FRMD3: variants seen among roughly 807,000 people sequenced by gnomAD.
The protein encoded by FRMD3 is FERM domain-containing protein 3.
Under a neutral mutation model 70.2 loss-of-function variants are expected in FRMD3, and 33 were observed. That is an observed-to-expected ratio of 0.47 (90% CI 0.36 to 0.63). FRMD3 has a LOEUF of 0.63. Among genes scored for constraint, FRMD3 ranks in the 20% least tolerant of loss-of-function variants. FRMD3 has a pLI of 0.00. For missense variants in FRMD3, 632 were observed against 711.4 expected (o/e 0.89, Z 1.27); for synonymous variants, 279 against 255.9 (o/e 1.09, Z -0.86).
chr9:83,427,370 C>T (rs1826841351), intron 1 of FRMD3, among the ~76,000 whole-genome samples: 1 of 152,194 alleles, frequency 6.6e-6, no homozygotes, highest in Non-Finnish European at 1.5e-5. Context: ...ACTCCATGTG[C>T]TCTTTATAGA....
At chr9:83,357,282 TATA>T (rs1824426788) in intron 3 of FRMD3, among the ~76,000 whole-genome samples, 3 of 79,838 alleles carry the variant, frequency 3.8e-5, no homozygotes, top group Non-Finnish European at 7.1e-5. Context: ...TATATATATA[TATA>T]TATATATATA....
At position 83,538,055 on chromosome 9, in the gene FRMD3, C is replaced by A. The variant is rs751798506; in HGVS notation, c.147+30G>T. On this transcript the variant is annotated intron_variant, in intron 1 of 13. Coordinates refer to ENST00000304195, the MANE Select transcript of FRMD3 (RefSeq NM_174938.6). This position sits in a 1 kb window ranked among gnomAD's most constrained non-coding sequence, Gnocchi z 4.7. ...CCCCCCGCCCTGCTCCCGGCGTGTG[C>A]CCCGCGCCCTCGCCCGGTTCCACGC... The A allele has an allele frequency of 1.2e-6, 2 of 1,607,210 alleles. No individual in the cohort carries two copies. The highest frequency in any genetic ancestry group is 2.7e-5 in the African/African-American group (2 of 74,848).
chr9:83,462,811 A>T (rs1828013010), intron 1 of FRMD3, among the ~76,000 whole-genome samples: 1 of 152,162 alleles, frequency 6.6e-6, no homozygotes, highest in Non-Finnish European at 1.5e-5. Context: ...TTAATATCTC[A>T]ATGAACTGTC....
chr9:83,362,577 A>G (rs1228552518), intron 3 of FRMD3, among the ~76,000 whole-genome samples: 1 of 152,230 alleles, frequency 6.6e-6, no homozygotes, highest in African/African-American at 2.4e-5. Context: ...TCTGGTAAAT[A>G]GGGCAAGAAT....
At chr9:83,375,381 C>A (rs1365193438) in intron 2 of FRMD3, among the ~76,000 whole-genome samples, 1 of 152,216 alleles carries the variant, frequency 6.6e-6, no homozygotes, top group African/African-American at 2.4e-5. Flanking sequence ...CTTAGCCTAA[C>A]CACACCCTAC....
chr9:83,468,085 T>C (rs934627204), intron 1 of FRMD3, among the ~76,000 whole-genome samples: 2 of 152,156 alleles, frequency 1.3e-5, no homozygotes, highest in African/African-American at 4.8e-5. Context: ...GACAACAGGC[T>C]ACAGTGGCAC....
intron 3 of FRMD3, among the ~76,000 whole-genome samples, chr9:83,368,474 G>A (rs1490682493): frequency 6.6e-6 from 1 of 151,944 alleles, no homozygotes; most frequent in African/African-American, 2.4e-5. Flanking sequence ...TGGGACTACA[G>A]GCTATGTTAA....
At chr9:83,424,665 T>C (rs867396145) in intron 1 of FRMD3, among the ~76,000 whole-genome samples, 14 of 152,200 alleles carry the variant, frequency 9.2e-5, no homozygotes, top group Admixed American at 4.6e-4. Flanking sequence ...CAGATAAATA[T>C]ACCAAATAAT....
chr9:83,288,910 G>A (rs1046130442), intron 13 of FRMD3, among the ~76,000 whole-genome samples: 1 of 152,106 alleles, frequency 6.6e-6, no homozygotes, highest in Admixed American at 6.5e-5. Flanking sequence ...GCAGGCCTAG[G>A]GTTCCGTATT....
chr9:83,353,794 G>A (rs1173509439), intron 3 of FRMD3, among the ~76,000 whole-genome samples: 2 of 152,166 alleles, frequency 1.3e-5, no homozygotes, highest in East Asian at 1.9e-4. Context: ...AGTTGGTTAC[G>A]ATAGCTACTT....
intron 1 of FRMD3, among the ~76,000 whole-genome samples, chr9:83,496,120 C>T (rs1828936768): frequency 6.6e-6 from 1 of 152,072 alleles, no homozygotes. Context: ...GCCTGCTCCA[C>T]AAGAAGTATC....
chr9:83,438,680 G>T (rs910785387), intron 1 of FRMD3, among the ~76,000 whole-genome samples: 3 of 152,226 alleles, frequency 2.0e-5, no homozygotes, highest in Non-Finnish European at 4.4e-5. Flanking sequence ...GATTACAGGC[G>T]TGAGCCACCG....
intron 3 of FRMD3, among the ~76,000 whole-genome samples, chr9:83,363,237 C>T (rs375804948): frequency 6.6e-5 from 10 of 152,236 alleles, no homozygotes; most frequent in East Asian, 1.9e-4. Flanking sequence ...TTCTTCTACA[C>T]GCTATATAGT....
intron 1 of FRMD3, among the ~76,000 whole-genome samples, chr9:83,449,367 T>C (rs776617398): frequency 2.8e-4 from 43 of 152,344 alleles, no homozygotes; most frequent in Admixed American, 1.5e-3. Flanking sequence ...TGAACAGCTG[T>C]AAAATATCTT....
intron 6 of FRMD3, among the ~76,000 whole-genome samples, chr9:83,334,516 A>T (rs1284725271): frequency 6.6e-6 from 1 of 152,200 alleles, no homozygotes; most frequent in African/African-American, 2.4e-5. Context: ...CCAATGATGC[A>T]ATTTTCTTTA....
chr9:83,378,662 T>C (rs1259551509), intron 2 of FRMD3, among the ~76,000 whole-genome samples: 2 of 130,964 alleles, frequency 1.5e-5, no homozygotes, highest in Non-Finnish European at 3.1e-5. Flanking sequence ...ATATAATATG[T>C]ATAATTTATA....
chr9:83,456,050 C>T, intron 1 of FRMD3, among the ~76,000 whole-genome samples: 1 of 152,186 alleles, frequency 6.6e-6, no homozygotes, highest in East Asian at 1.9e-4. Flanking sequence ...CCTGCCCTCA[C>T]CCACAAGCCA....
chr9:83,431,584 T>A (rs897915593), intron 1 of FRMD3, among the ~76,000 whole-genome samples: 19 of 152,232 alleles, frequency 1.2e-4, no homozygotes, highest in African/African-American at 3.1e-4. Flanking sequence ...CGTTTTTTTT[T>A]ATGAGATGAA....
intron 1 of FRMD3, among the ~76,000 whole-genome samples, chr9:83,513,536 GTTAACTTCCTTTTGCTTAATCATTA>G (rs1455453590): frequency 6.6e-6 from 1 of 152,194 alleles, no homozygotes; most frequent in African/African-American, 2.4e-5. Flanking sequence ...AGTTTGAAGA[GTTAACTTCCTTTTGCTTAATCATTA>G]TATGTCCTTT....
Sources: gnomAD v4.1 joint callset for allele counts (sites outside exome capture counted in the v4.1 genomes callset) on GRCh38, gnomAD v4.1.1 for gene constraint, Gnocchi (gnomAD v3.1) non-coding constraint, MANE v1.5 for transcripts, NCBI Gene and HGNC (gene_info 2026-07-23, HGNC 2026-07-21) for gene names.